The following GPHN variants were observed in gnomAD, a reference collection of about 807,000 sequenced individuals.
The protein encoded by GPHN is gephyrin.
A neutral mutation model predicts 95.5 loss-of-function variants in GPHN; 17 were observed. That is an observed-to-expected ratio of 0.18 (90% CI 0.12 to 0.27). The LOEUF (loss-of-function observed/expected upper bound fraction) is 0.27. Ranked by LOEUF, GPHN falls within the 10% of genes least tolerant of loss-of-function variation. The probability of loss-of-function intolerance (pLI) is 1.00; values close to 1 mark genes in which losing one functional copy is unlikely to be tolerated. For synonymous variants in GPHN, 320 were observed against 322.5 expected (o/e 0.99, Z 0.08); for missense variants, 660 against 978.1 (o/e 0.67, Z 4.34).
intron 9 of GPHN, 65 bp downstream of exon 9, chr14:66,965,390 AT>A: frequency 1.4e-6 from 2 of 1,394,030 alleles, no homozygotes; most frequent in Non-Finnish European, 2.0e-6. Context: ...ACTAACCAAT[AT>A]TTCCTCCTGC....
intron 9 of GPHN, among the ~76,000 whole-genome samples, chr14:66,986,477 C>G (rs975101345): frequency 1.3e-5 from 2 of 152,016 alleles, no homozygotes; most frequent in Non-Finnish European, 2.9e-5. Flanking sequence ...TTTATTTGCT[C>G]AATATGCCTT....
Position 66,856,509 on chromosome 14 carries a change from G to A in GPHN, c.295-23430G>A, listed in dbSNP as rs191379383. On this transcript the variant is annotated intron_variant, in intron 4 of 22. Transcript: ENST00000478722. The stretch of plus-strand genomic sequence containing the variant: ...GAGTGAGATAGTAAATAGAAGAGTA[G>A]CGTTTATGAGTTCAATTAAAACTTT... Among the ~76,000 whole-genome samples, 143 of 152,174 alleles carry A rather than the reference G, an allele frequency of 9.4e-4. No individual in the cohort carries two copies. The Middle Eastern group carries it at 0.01, about 11-fold the overall frequency.
intron 1 of GPHN, among the ~76,000 whole-genome samples, chr14:66,601,947 C>T (rs950744986): frequency 6.6e-6 from 1 of 151,914 alleles, no homozygotes; most frequent in Non-Finnish European, 1.5e-5. Flanking sequence ...CTTCAATAGG[C>T]ATCATAGTGA....
chr14:67,399,076 AG>A, the GPHN span, among the ~76,000 whole-genome samples: 1 of 152,262 alleles, frequency 6.6e-6, no homozygotes, highest in South Asian at 2.1e-4. Flanking sequence ...ATTCCTAGAA[AG>A]AATATTACTA....
the GPHN span, among the ~76,000 whole-genome samples, chr14:67,309,891 A>G: frequency 2.0e-5 from 3 of 152,140 alleles, no homozygotes; most frequent in Non-Finnish European, 2.9e-5. Context: ...AAAATTGTCA[A>G]TCAAGATTGA....
At chr14:67,436,617 G>A in the GPHN span, among the ~76,000 whole-genome samples, 2 of 152,118 alleles carry the variant, frequency 1.3e-5, no homozygotes, top group African/African-American at 4.8e-5. Flanking sequence ...CCTCCATCTG[G>A]CACCCGATAA....
chr14:67,429,919 A>G, the GPHN span, among the ~76,000 whole-genome samples: 2 of 152,182 alleles, frequency 1.3e-5, no homozygotes, highest in Admixed American at 1.3e-4. Context: ...TCATTTTACA[A>G]ATGAAGAAAC....
At chr14:67,611,950 T>C in the GPHN span, among the ~76,000 whole-genome samples, 1 of 152,156 alleles carries the variant, frequency 6.6e-6, no homozygotes, top group Non-Finnish European at 1.5e-5. Flanking sequence ...CCATGGGTGA[T>C]GGGAGACAGT....
At chr14:66,980,477 CTT>C (rs1035960832) in intron 9 of GPHN, among the ~76,000 whole-genome samples, 26 of 152,062 alleles carry the variant, frequency 1.7e-4, no homozygotes, top group Middle Eastern at 3.4e-3. Flanking sequence ...CATAATAACT[CTT>C]TTATTAAAGA....
chr14:67,466,064 G>A, the GPHN span, among the ~76,000 whole-genome samples: 2 of 152,196 alleles, frequency 1.3e-5, no homozygotes, highest in East Asian at 1.9e-4. Context: ...CAGTTCCATT[G>A]TTTAGAGCTA....
chr14:67,600,151 T>TGCA, the GPHN span: 4 of 1,592,654 alleles, frequency 2.5e-6, no homozygotes, highest in East Asian at 9.2e-5. Context: ...GTAGCGGCGC[T>TGCA]GCAGCGCCAG....
At chr14:66,883,391 G>T (rs2064025069) in intron 5 of GPHN, among the ~76,000 whole-genome samples, 2 of 151,750 alleles carry the variant, frequency 1.3e-5, no homozygotes, top group South Asian at 2.1e-4. Flanking sequence ...TCTCTACTAA[G>T]AACTTGTATT....
the GPHN span, among the ~76,000 whole-genome samples, chr14:67,204,317 T>C: frequency 9.2e-5 from 14 of 152,038 alleles, no homozygotes; most frequent in Admixed American, 9.2e-4. Context: ...TACATATCTG[T>C]TGTCCCAGCT....
At position 66,760,221 on chromosome 14, in the gene GPHN, A is replaced by G. The variant is rs560574359; in HGVS notation, c.144-16243A>G. Among the ~76,000 whole-genome samples the G allele has an allele frequency of 2.0e-5, 3 of 152,348 alleles. No homozygotes were observed. The South Asian group carries it at 6.2e-4, about 32-fold the overall frequency. ...CATGAAATAATGCCTAGCACATAATAAGTTCTCAGTGAATATTCAGTGAAA... is the reference window on the plus strand; with the variant it reads ...CATGAAATAATGCCTAGCACATAATGAGTTCTCAGTGAATATTCAGTGAAA... On this transcript the variant is annotated intron_variant, in intron 2 of 22. Transcript: ENST00000478722.
the GPHN span, among the ~76,000 whole-genome samples, chr14:67,257,679 C>T: frequency 6.6e-6 from 1 of 151,484 alleles, no homozygotes; most frequent in Non-Finnish European, 1.5e-5. Context: ...GTATATATAA[C>T]ATACAGCCTA....
At chr14:67,573,293 G>A in the GPHN span, 42 of 1,612,486 alleles carry the variant, frequency 2.6e-5, no homozygotes, top group African/African-American at 1.5e-4. The surrounding 1 kb of genome is among the most constrained non-coding windows in gnomAD (Gnocchi z 4.8). Context: ...TGGAGAAGTC[G>A]GGCTACCTGC....
At chr14:67,022,666 TG>T (rs1031260768) in intron 9 of GPHN, among the ~76,000 whole-genome samples, 2 of 149,618 alleles carry the variant, frequency 1.3e-5, no homozygotes, top group African/African-American at 4.9e-5. Context: ...CATTAACAAT[TG>T]TTTTTTTCAG....
chr14:66,984,138 C>A (rs752963149), intron 9 of GPHN, among the ~76,000 whole-genome samples: 1 of 152,062 alleles, frequency 6.6e-6, no homozygotes, highest in Non-Finnish European at 1.5e-5. Flanking sequence ...TTCAGAAAGC[C>A]TCATGAGGCA....
the GPHN span, chr14:67,678,185 A>G: frequency 2.4e-5 from 15 of 619,308 alleles, no homozygotes; most frequent in East Asian, 4.1e-4. Context: ...TTTTAACTGG[A>G]CACCAAGCAG....
Sources: gnomAD v4.1 joint callset for allele counts (sites outside exome capture counted in the v4.1 genomes callset) on GRCh38, gnomAD v4.1.1 for gene constraint, Gnocchi (gnomAD v3.1) non-coding constraint, MANE v1.5 for transcripts, NCBI Gene and HGNC (gene_info 2026-07-23, HGNC 2026-07-21) for gene names.